Variants in TLL2 observed in about 807,000 individuals in gnomAD.
The protein encoded by TLL2 is tolloid-like protein 2.
A neutral mutation model predicts 123.0 loss-of-function variants in TLL2; 106 were observed. The observed-to-expected ratio is 0.86, with a 90% CI of 0.74 to 1.01. The LOEUF (loss-of-function observed/expected upper bound fraction) is 1.01. TLL2 is among the 50% of genes least tolerant of loss of function. The probability of loss-of-function intolerance (pLI) is 0.00; values close to 1 mark genes in which losing one functional copy is unlikely to be tolerated. For synonymous variants in TLL2, 494 were observed against 516.8 expected, an observed-to-expected ratio of 0.96 and a Z score of 0.60; for missense variants, 1,332 against 1,336.7, an observed-to-expected ratio of 1.00 and a Z score of 0.06.
intron 3 of TLL2, among the ~76,000 whole-genome samples, chr10:96,433,934 C>G (rs909144836): frequency 2.0e-5 from 3 of 152,066 alleles, no homozygotes; most frequent in Admixed American, 6.5e-5. Flanking sequence ...AGCCATCATG[C>G]CTGGCTAATT....
At chr10:96,413,736 T>C (rs962481549) in intron 7 of TLL2, among the ~76,000 whole-genome samples, 1 of 152,166 alleles carries the variant, frequency 6.6e-6, no homozygotes, top group Admixed American at 6.5e-5. Flanking sequence ...GCTTGGGAAC[T>C]GGTCCAATGT....
chr10:96,413,914 C>T (rs1846531032), intron 7 of TLL2, among the ~76,000 whole-genome samples: 1 of 152,160 alleles, frequency 6.6e-6, no homozygotes, highest in Admixed American at 6.5e-5. Context: ...CCTGTGTGTG[C>T]TTGGACAAGA....
chr10:96,480,296 G>T, intron 2 of TLL2, 53 bp downstream of exon 2: 1 of 1,463,806 alleles, frequency 6.8e-7, no homozygotes, highest in African/African-American at 1.4e-5. Flanking sequence ...TCCCCCTGCT[G>T]AAGTCCCTCA....
chr10:96,369,748 G>A (rs1245415725), intron 20 of TLL2, among the ~76,000 whole-genome samples: 4 of 150,116 alleles, frequency 2.7e-5, no homozygotes, highest in African/African-American at 9.8e-5. Context: ...CTCCGTCTCG[G>A]GGGAAAAAAA....
Position 96,367,893 on chromosome 10 carries a change from C to T in TLL2, c.*195G>A. 1 of 617,376 alleles carries T rather than the reference C, an allele frequency of 1.6e-6. No homozygotes were observed. Among genetic ancestry groups the T allele is most frequent in the South Asian group, 2.3e-5 (1 of 43,364 alleles). The allele number at this position is 617,376 out of a possible 1,614,324, so 38.2% of individuals were successfully genotyped here. A position where few individuals can be genotyped will look rare whatever the true frequency, so the allele number is the denominator to read the frequency against. ...AACATTGCAGACAGAAGCAAAAGAA[C>T]ATTTTTCTCTCCACCTTGTTGGCCA... is the stretch of plus-strand genomic sequence containing the variant. On this transcript the variant is annotated 3_prime_UTR_variant, in exon 21 of 21. Transcript: ENST00000357947.
chr10:96,367,913 T>A lies in TLL2; in HGVS notation c.*175A>T. 1 of 726,052 alleles carries A rather than the reference T, an allele frequency of 1.4e-6. No homozygotes were observed. Among genetic ancestry groups the A allele is most frequent in the Non-Finnish European group, 2.2e-6 (1 of 462,530 alleles). 45.0% of individuals were successfully genotyped at this position (726,052 alleles called of 1,614,324 possible). Reference sequence around the variant, plus strand: ...AAGAACATTTTTCTCTCCACCTTGTTGGCCAAACTTACAAGACTTTCATTC... The same window carrying A: ...AAGAACATTTTTCTCTCCACCTTGTAGGCCAAACTTACAAGACTTTCATTC... On this transcript the variant is annotated 3_prime_UTR_variant, in exon 21 of 21. Coordinates refer to ENST00000357947, the MANE Select transcript of TLL2 (RefSeq NM_012465.4).
At chr10:96,452,910 AC>A (rs1846975246) in intron 2 of TLL2, among the ~76,000 whole-genome samples, 1 of 152,268 alleles carries the variant, frequency 6.6e-6, no homozygotes, top group African/African-American at 2.4e-5. Flanking sequence ...TCGCTACAGC[AC>A]TAAAGCAATC....
intron 2 of TLL2, among the ~76,000 whole-genome samples, chr10:96,449,297 A>G (rs1564909509): frequency 1.3e-5 from 2 of 152,222 alleles, no homozygotes; most frequent in Admixed American, 6.5e-5. Flanking sequence ...CTTCAGCCTC[A>G]GTCACAGAAA....
At chr10:96,410,710 G>A (rs1328764670) in intron 8 of TLL2, 5 of 607,594 alleles carry the variant, frequency 8.2e-6, no homozygotes, top group Non-Finnish European at 1.2e-5. Flanking sequence ...GACTGAGCAT[G>A]GCCTAGAGGT....
chr10:96,455,146 G>A (rs1186176327), intron 2 of TLL2, among the ~76,000 whole-genome samples: 1 of 152,082 alleles, frequency 6.6e-6, no homozygotes, highest in African/African-American at 2.4e-5. Flanking sequence ...GGAGGCTGGC[G>A]TGAACCTGGG....
chr10:96,382,220 G>A (rs748796000), intron 16 of TLL2, among the ~76,000 whole-genome samples: 3 of 152,310 alleles, frequency 2.0e-5, no homozygotes, highest in East Asian at 1.9e-4. Flanking sequence ...TAGTAGAGAC[G>A]GGGTTTCACC....
intron 3 of TLL2, among the ~76,000 whole-genome samples, chr10:96,435,576 C>T (rs184738705): frequency 2.6e-5 from 4 of 152,146 alleles, no homozygotes; most frequent in Admixed American, 1.3e-4. Flanking sequence ...TTTATTCTGA[C>T]AGTTTTATAG....
intron 3 of TLL2, among the ~76,000 whole-genome samples, chr10:96,437,682 C>T (rs1189986392): frequency 6.6e-6 from 1 of 152,190 alleles, no homozygotes; most frequent in Non-Finnish European, 1.5e-5. Flanking sequence ...TTATGCTCTT[C>T]TCACTCAGCA....
At chr10:96,380,575 C>T (rs1218859600) in intron 16 of TLL2, among the ~76,000 whole-genome samples, 2 of 151,824 alleles carry the variant, frequency 1.3e-5, no homozygotes, top group African/African-American at 2.4e-5. Flanking sequence ...CGCCTGTAGT[C>T]CCAGCTACTC....
intron 10 of TLL2, among the ~76,000 whole-genome samples, chr10:96,401,666 C>T (rs1846397921): frequency 6.6e-6 from 1 of 151,836 alleles, no homozygotes; most frequent in South Asian, 2.1e-4. Context: ...GCCACAAATA[C>T]CAGGATCTAT....
intron 2 of TLL2, among the ~76,000 whole-genome samples, chr10:96,463,900 G>T (rs867371644): frequency 8.5e-5 from 13 of 152,358 alleles, no homozygotes; most frequent in Middle Eastern, 3.4e-3. Context: ...TCCTGTCAGG[G>T]CTGAACTGGG....
At chr10:96,456,507 A>C (rs1235901317) in intron 2 of TLL2, among the ~76,000 whole-genome samples, 1 of 152,156 alleles carries the variant, frequency 6.6e-6, no homozygotes, top group Admixed American at 6.5e-5. Flanking sequence ...GGGTAACTCC[A>C]TTCCACCAGG....
intron 2 of TLL2, among the ~76,000 whole-genome samples, chr10:96,465,297 C>T (rs576365806): frequency 3.9e-5 from 6 of 152,280 alleles, no homozygotes; most frequent in Non-Finnish European, 8.8e-5. Context: ...TGCAATGGCC[C>T]GTTTGTTTTA....
chr10:96,417,027 C>T (rs56397993), intron 7 of TLL2, among the ~76,000 whole-genome samples: 1,738 of 152,256 alleles, frequency 0.011, 34 homozygotes, highest in African/African-American at 0.04. Context: ...GGGAGAAGAA[C>T]TGCAATAAAC....
Sources: allele counts gnomAD v4.1 joint callset (sites outside exome capture counted in the v4.1 genomes callset), GRCh38; gene constraint gnomAD v4.1.1; transcripts MANE v1.5; gene names NCBI Gene and HGNC (gene_info 2026-07-23, HGNC 2026-07-21).